Variants in WDR47 observed in about 807,000 individuals in gnomAD.
WDR47 encodes the protein WD repeat-containing protein 47.
Under a neutral mutation model 97.2 loss-of-function variants are expected in WDR47, and 32 were observed. The ratio of observed to expected loss-of-function variants is 0.33; its 90% CI spans 0.25 to 0.44. WDR47 has a LOEUF of 0.44. Among genes scored for constraint, WDR47 ranks in the 20% least tolerant of loss-of-function variants. The pLI, the probability that WDR47 is intolerant of heterozygous loss-of-function variation, is 1.00. For missense variants in WDR47, 782 were observed against 1,102.3 expected (o/e 0.71, Z 4.11); for synonymous variants, 375 against 373.5 (o/e 1.00, Z -0.05).
At chr1:109,007,941 A>C (rs147098897) in intron 5 of WDR47, among the ~76,000 whole-genome samples, 2,426 of 151,572 alleles carry the variant, frequency 0.016, 64 homozygotes, top group African/African-American at 0.055. Flanking sequence ...GGCTCTACTA[A>C]AAATACAAAA....
At chr1:109,005,462 G>A (rs1274319921) in intron 5 of WDR47, among the ~76,000 whole-genome samples, 1 of 152,042 alleles carries the variant, frequency 6.6e-6, no homozygotes, top group Non-Finnish European at 1.5e-5. Context: ...TACACAAATC[G>A]ATTTTTTATT....
At chr1:109,004,783 A>G (rs1660470288) in intron 5 of WDR47, 68 bp from the exon 6 acceptor site, 2 of 1,492,496 alleles carry the variant, frequency 1.3e-6, no homozygotes, top group Non-Finnish European at 1.8e-6. Flanking sequence ...TATTTTAGTT[A>G]GAGAAATTTT....
chr1:108,984,542 A>G (rs1571150443), intron 10 of WDR47, among the ~76,000 whole-genome samples: 1 of 152,218 alleles, frequency 6.6e-6, no homozygotes, highest in Non-Finnish European at 1.5e-5. Context: ...TGTTTAAAAA[A>G]CAAACAAGAA....
intron 14 of WDR47, among the ~76,000 whole-genome samples, chr1:108,972,360 T>C (rs924342389): frequency 1.2e-4 from 19 of 152,130 alleles, no homozygotes; most frequent in Non-Finnish European, 1.9e-4. Context: ...GACATTTATA[T>C]TTCTACTCTT....
At chr1:109,024,856 G>A (rs1662089511) in intron 1 of WDR47, 1 of 152,192 alleles carries the variant, frequency 6.6e-6, no homozygotes, top group African/African-American at 2.4e-5. Flanking sequence ...ACTGGGTGTA[G>A]TGACTCACGC....
rs955805764 is a variant in WDR47, at chr1:109,009,350, CAGG to C, written c.1130+1563_1130+1565del. Among the ~76,000 whole-genome samples the C allele has an allele frequency of 1.2e-3, 177 of 152,186 alleles. 1 individual carries two copies. Among genetic ancestry groups the C allele is most frequent in the African/African-American group, 3.9e-3 (163 of 41,538 alleles). On this transcript the variant is annotated intron_variant, in intron 5 of 14. Transcript: ENST00000369962. ...AACCCTGAAATAAATAACTGTTGAT[CAGG>C]AGTTTATTATTCCATGCCAGGTTTG...
chr1:108,989,660 C>G (rs1414592711), intron 9 of WDR47, among the ~76,000 whole-genome samples: 1 of 152,136 alleles, frequency 6.6e-6, no homozygotes. Flanking sequence ...ATAGCAGAAG[C>G]CACACAAACT....
intron 1 of WDR47, among the ~76,000 whole-genome samples, chr1:109,033,029 C>T (rs1662706077): frequency 6.6e-6 from 1 of 152,040 alleles, no homozygotes. Flanking sequence ...GGCGCAGTGG[C>T]TCACACCTGT....
chr1:108,990,602 T>G (rs534939795), intron 9 of WDR47, among the ~76,000 whole-genome samples: 1 of 152,290 alleles, frequency 6.6e-6, no homozygotes, highest in South Asian at 2.1e-4. Flanking sequence ...ATCATAAAAA[T>G]GGTCAATTTT....
intron 6 of WDR47, among the ~76,000 whole-genome samples, chr1:109,002,613 C>T (rs575227617): frequency 1.3e-4 from 20 of 152,112 alleles, no homozygotes; most frequent in Non-Finnish European, 2.2e-4. Flanking sequence ...ACAGACTGAC[C>T]GAAATGAATG....
intron 1 of WDR47, among the ~76,000 whole-genome samples, chr1:109,031,064 G>T (rs1273354509): frequency 7.2e-6 from 1 of 139,792 alleles, no homozygotes; most frequent in Non-Finnish European, 1.6e-5. Context: ...TAAAGTCCGG[G>T]ATAATCAGAA....
At chr1:109,035,536 C>T (rs1348378256) in intron 1 of WDR47, among the ~76,000 whole-genome samples, 3 of 145,234 alleles carry the variant, frequency 2.1e-5, no homozygotes, top group Non-Finnish European at 3.0e-5. Context: ...CTTACTCTGT[C>T]GCCCAGGCTG....
chr1:108,974,764 T>A lies in WDR47; in HGVS notation c.2399-10A>T. On this transcript the variant is annotated splice_polypyrimidine_tract_variant and intron_variant, in intron 13 of 14. Coordinates refer to ENST00000369962, the MANE Select transcript of WDR47 (RefSeq NM_001142551.2). Reference sequence around the variant, plus strand: ...GATGCCACTGCACTGCCTGTAGTGGTAGGAATGAAAGTTTAAATACAGAAA... The same window carrying A: ...GATGCCACTGCACTGCCTGTAGTGGAAGGAATGAAAGTTTAAATACAGAAA... The A allele has an allele frequency of 6.3e-7, 1 of 1,593,184 alleles. No individual in the cohort carries two copies. Among genetic ancestry groups the A allele is most frequent in the Non-Finnish European group, 8.6e-7 (1 of 1,167,690 alleles).
chr1:109,000,659 C>T (rs1225988593), intron 7 of WDR47, among the ~76,000 whole-genome samples: 12 of 151,606 alleles, frequency 7.9e-5, no homozygotes, highest in Non-Finnish European at 1.0e-4. Context: ...CCAGCCTGGG[C>T]GACAGAGTGA....
At chr1:109,022,944 C>T (rs1661955233) in intron 2 of WDR47, among the ~76,000 whole-genome samples, 2 of 151,314 alleles carry the variant, frequency 1.3e-5, no homozygotes, top group Non-Finnish European at 2.9e-5. Flanking sequence ...GTGGCTCACG[C>T]CTGTAATCCC....
At chr1:109,036,227 C>T (rs1171359414) in intron 1 of WDR47, among the ~76,000 whole-genome samples, 1 of 152,048 alleles carries the variant, frequency 6.6e-6, no homozygotes, top group East Asian at 1.9e-4. Flanking sequence ...GCTTCTAGAT[C>T]CCTTCCCACT....
intron 4 of WDR47, among the ~76,000 whole-genome samples, 194 bp downstream of exon 4, chr1:109,013,646 CT>C (rs1452315449): frequency 1.3e-5 from 2 of 152,158 alleles, no homozygotes; most frequent in Non-Finnish European, 2.9e-5. Flanking sequence ...ATTTATATAT[CT>C]TGGCTTAAAC....
intron 1 of WDR47, among the ~76,000 whole-genome samples, chr1:109,027,713 G>T (rs1322713186): frequency 6.6e-6 from 1 of 151,906 alleles, no homozygotes; most frequent in Non-Finnish European, 1.5e-5. Context: ...TAGTAGAGAT[G>T]GGGTTTCACC....
intron 1 of WDR47, among the ~76,000 whole-genome samples, chr1:109,025,238 G>C (rs1662121998): frequency 6.6e-6 from 1 of 151,556 alleles, no homozygotes; most frequent in Non-Finnish European, 1.5e-5. Context: ...AGGAGTGCGA[G>C]ACAAGCCTGG....
Sources: gnomAD v4.1 joint callset for allele counts (sites outside exome capture counted in the v4.1 genomes callset) on GRCh38, gnomAD v4.1.1 for gene constraint, MANE v1.5 for transcripts, NCBI Gene and HGNC (gene_info 2026-07-23, HGNC 2026-07-21) for gene names.